Variants in UFD1 observed in about 807,000 individuals in gnomAD.
UFD1 encodes the protein ubiquitin recognition factor in ER-associated degradation protein 1.
In UFD1, 13 loss-of-function variants were observed where a neutral mutation model predicts 45.9. That is an observed-to-expected ratio of 0.28 (90% CI 0.18 to 0.45). UFD1 has a LOEUF of 0.45. UFD1 is among the 20% of genes least tolerant of loss of function. The pLI, the probability that UFD1 is intolerant of heterozygous loss-of-function variation, is 1.00. For synonymous variants in UFD1, 128 were observed against 139.2 expected, an observed-to-expected ratio of 0.92 and a Z score of 0.56; for missense variants, 218 against 389.2, an observed-to-expected ratio of 0.56 and a Z score of 3.70.
chr22:19,465,848 T>C (rs2089798130), intron 5 of UFD1: 1 of 152,308 alleles, frequency 6.6e-6, no homozygotes, highest in Non-Finnish European at 1.5e-5. Flanking sequence ...ACTTCTGTTG[T>C]TTCTATCTTT....
chr22:19,462,866 T>C (rs1289427128), intron 6 of UFD1, among the ~76,000 whole-genome samples: 1 of 152,226 alleles, frequency 6.6e-6, no homozygotes, highest in African/African-American at 2.4e-5. Context: ...TACATGCTTT[T>C]AAAATTCCAT....
At chr22:19,477,866 G>C (rs949259572) in intron 1 of UFD1, among the ~76,000 whole-genome samples, 7 of 152,142 alleles carry the variant, frequency 4.6e-5, no homozygotes, top group African/African-American at 1.7e-4. Flanking sequence ...AATCTGGGAT[G>C]GTTCTTTACT....
chr22:19,472,623 T>A (rs5748226), intron 3 of UFD1, among the ~76,000 whole-genome samples: 79,124 of 152,082 alleles, frequency 0.52, 20,737 homozygotes, highest in South Asian at 0.61. Flanking sequence ...CAGGAGACAC[T>A]GGGCCCCCGG....
chr22:19,465,354 G>A, intron 5 of UFD1, 80 bp from the exon 6 acceptor site: 1 of 1,222,162 alleles, frequency 8.2e-7, no homozygotes, highest in East Asian at 2.3e-5. Context: ...GATGATTACT[G>A]GTAGGTAGAG....
intron 1 of UFD1, among the ~76,000 whole-genome samples, chr22:19,476,246 A>G (rs1314527857): frequency 6.6e-6 from 1 of 152,118 alleles, no homozygotes; most frequent in East Asian, 1.9e-4. Context: ...CCAGGCAAAA[A>G]AGAGGGAAAG....
intron 1 of UFD1, 165 bp downstream of exon 1, chr22:19,478,918 C>G: frequency 1.1e-6 from 1 of 942,074 alleles, no homozygotes; most frequent in Non-Finnish European, 1.5e-6. Flanking sequence ...GGTTAGTGGT[C>G]AAGGGTCCTG....
chr22:19,471,608 C>T, intron 4 of UFD1, 79 bp downstream of exon 4: 1 of 1,563,180 alleles, frequency 6.4e-7, no homozygotes, highest in Middle Eastern at 2.2e-4. Context: ...GCCACCTGCT[C>T]CAGGGCCAGG....
chr22:19,478,419 C>T (rs1391997796), intron 1 of UFD1, among the ~76,000 whole-genome samples: 2 of 152,210 alleles, frequency 1.3e-5, no homozygotes, highest in African/African-American at 2.4e-5. Context: ...ACTTCTGTGA[C>T]TCGAATAAAG....
At chr22:19,478,534 G>T (rs1395252049) in intron 1 of UFD1, among the ~76,000 whole-genome samples, 1 of 152,178 alleles carries the variant, frequency 6.6e-6, no homozygotes, top group Non-Finnish European at 1.5e-5. Context: ...GGGAGTACAG[G>T]TGTTAAAAGC....
In UFD1 at chr22:19,459,770, G is replaced by A. The variant is rs115913385; in HGVS notation, c.496-1631C>T. 7.7e-3 allele frequency among the ~76,000 whole-genome samples: 957 copies of A among 124,038 alleles called. 10 individuals carry two copies. Among genetic ancestry groups the A allele is most frequent in the African/African-American group, 0.028 (913 of 32,968 alleles). The allele number at this position is 124,038 out of a possible 152,430, so 81.4% of individuals were successfully genotyped here. On this transcript the variant is annotated intron_variant, in intron 6 of 11. Transcript: ENST00000263202. The stretch of plus-strand genomic sequence containing the variant: ...TTTTTTTTTTTCGAGATGGAGGCTC[G>A]CTCTGGCACCCAAGCTGGAGTGCAA...
At chr22:19,463,102 A>C (rs1373934380) in intron 6 of UFD1, among the ~76,000 whole-genome samples, 1 of 152,148 alleles carries the variant, frequency 6.6e-6, no homozygotes, top group Non-Finnish European at 1.5e-5. Context: ...TACATTATAA[A>C]TTTCCTGTCA....
At chr22:19,470,296 G>C (rs2089834498) in intron 4 of UFD1, among the ~76,000 whole-genome samples, 1 of 152,192 alleles carries the variant, frequency 6.6e-6, no homozygotes, top group Non-Finnish European at 1.5e-5. Flanking sequence ...GGGAGTGCAG[G>C]GCTCTTGTCG....
chr22:19,478,875 C>T, intron 1 of UFD1: 1 of 599,948 alleles, frequency 1.7e-6, no homozygotes, highest in East Asian at 3.3e-5. Flanking sequence ...AGAATGCGAG[C>T]CACGTTCAGG....
chr22:19,453,291 C>CTTGTA, intron 11 of UFD1: 3 of 985,504 alleles, frequency 3.0e-6, no homozygotes, highest in Non-Finnish European at 3.6e-6. Context: ...CTTCCAAAGC[C>CTTGTA]TTGTAGTTGC....
chr22:19,454,650 C>T (rs1215055314), intron 11 of UFD1, 99 bp downstream of exon 11: 1 of 1,590,492 alleles, frequency 6.3e-7, no homozygotes, highest in Non-Finnish European at 8.6e-7. Flanking sequence ...TGGAAACAGA[C>T]TAATGCACAC....
At chr22:19,457,309 C>T (rs1309398801) in intron 7 of UFD1, among the ~76,000 whole-genome samples, 1 of 152,178 alleles carries the variant, frequency 6.6e-6, no homozygotes, top group African/African-American at 2.4e-5. Context: ...GTCTCCCAGC[C>T]CCCTCCACCA....
At chr22:19,470,582 C>T (rs560787022) in intron 4 of UFD1, 32 of 373,988 alleles carry the variant, frequency 8.6e-5, no homozygotes, top group Admixed American at 5.6e-4. Context: ...GCTAGGACTA[C>T]AGGCACGTGC....
At chr22:19,468,348 A>T (rs756657) in intron 4 of UFD1, among the ~76,000 whole-genome samples, 5 of 151,942 alleles carry the variant, frequency 3.3e-5, no homozygotes, top group East Asian at 1.9e-4. Flanking sequence ...GCAAATTATA[A>T]GGCCCTGCGT....
rs569917085 is a variant in UFD1 at position 19,451,386 on chromosome 22, G to A, written c.850-642C>T. The A allele has an allele frequency of 1.0e-5, 10 of 985,306 alleles. No individual in the cohort carries two copies. The South Asian group carries it at 4.2e-4, about 42-fold the overall frequency. 61.0% of individuals were successfully genotyped at this position (985,306 alleles called of 1,614,324 possible). A position where few individuals can be genotyped will look rare whatever the true frequency, so the allele number is the denominator to read the frequency against. On this transcript the variant is annotated intron_variant, in intron 11 of 11. Coordinates refer to ENST00000263202, the MANE Select transcript of UFD1 (RefSeq NM_005659.7). ...GCACACAACTCTGATTTTTTTTAGA[G>A]CTCAAATTCCTGGGTCAAAGTGTGT... is the stretch of plus-strand genomic sequence containing the variant.
Sources: gnomAD v4.1 joint callset for allele counts (sites outside exome capture counted in the v4.1 genomes callset) on GRCh38, gnomAD v4.1.1 for gene constraint, MANE v1.5 for transcripts, NCBI Gene and HGNC (gene_info 2026-07-23, HGNC 2026-07-21) for gene names.